HDAC9: variants seen among roughly 807,000 people sequenced by gnomAD.
The protein encoded by HDAC9 is histone deacetylase 9, also known as MEF-2 interacting transcription repressor (MITR) protein.
A neutral mutation model predicts 139.4 loss-of-function variants in HDAC9; 41 were observed. The ratio of observed to expected loss-of-function variants is 0.29; its 90% CI spans 0.23 to 0.38. HDAC9 has a LOEUF of 0.38. HDAC9 is among the 10% of genes least tolerant of loss of function. The probability of loss-of-function intolerance (pLI) is 1.00; values close to 1 mark genes in which losing one functional copy is unlikely to be tolerated. For synonymous variants in HDAC9, 517 were observed against 476.2 expected (o/e 1.09, Z -1.12); for missense variants, 1,147 against 1,297.0 (o/e 0.88, Z 1.78).
chr7:18,794,615 C>A (rs1792621552), intron 17 of HDAC9, among the ~76,000 whole-genome samples: 1 of 152,180 alleles, frequency 6.6e-6, no homozygotes, highest in Admixed American at 6.5e-5. Flanking sequence ...GTGGTGCTTA[C>A]TCTTCAGTCT....
chr7:18,703,921 T>G lies in HDAC9; in HGVS notation c.1732-23659T>G, dbSNP rs547725690. Among the ~76,000 whole-genome samples the G allele has an allele frequency of 2.6e-5, 4 of 152,286 alleles. No homozygotes were observed. In the South Asian group the frequency reaches 8.3e-4, roughly 32 times the overall value. ...CATTACTAATTTTAGCTGCTTCCTT[T>G]TGCATACTCCCACAAGCAGATCTTA... is the stretch of plus-strand genomic sequence containing the variant. On this transcript the variant is annotated intron_variant, in intron 12 of 25. Transcript: ENST00000686413.
chr7:18,891,002 G>T (rs763481713), intron 22 of HDAC9, among the ~76,000 whole-genome samples: 9 of 152,140 alleles, frequency 5.9e-5, no homozygotes, highest in Non-Finnish European at 1.2e-4. Context: ...TCTGATCTGG[G>T]TTTCATAGCA....
intron 3 of HDAC9, 149 bp from the exon 4 acceptor site, chr7:18,590,187 T>C: frequency 1.2e-6 from 1 of 848,032 alleles, no homozygotes; most frequent in South Asian, 1.9e-5. Context: ...TTGCTTGTCC[T>C]TAGATTTCAA....
chr7:18,180,858 C>T (rs1789364827), intron 2 of HDAC9, among the ~76,000 whole-genome samples: 1 of 152,164 alleles, frequency 6.6e-6, no homozygotes, highest in South Asian at 2.1e-4. Context: ...GACCTTGCTC[C>T]CCACAAAGAC....
chr7:18,478,245 G>A (rs920019573), intron 1 of HDAC9, among the ~76,000 whole-genome samples: 1 of 152,042 alleles, frequency 6.6e-6, no homozygotes, highest in Admixed American at 6.6e-5. Flanking sequence ...GTAATATTTT[G>A]TATTTTTAGT....
At chr7:18,086,962 A>G (rs1263613136) in exon 1 of HDAC9, 1 of 137,896 alleles carries the variant, frequency 7.3e-6, no homozygotes, top group African/African-American at 2.7e-5. Flanking sequence ...GCGCGCACCG[A>G]GCCGGCCGCG....
intron 2 of HDAC9, among the ~76,000 whole-genome samples, chr7:18,170,247 A>C (rs1001251231): frequency 1.3e-5 from 2 of 152,238 alleles, no homozygotes; most frequent in Non-Finnish European, 2.9e-5. Flanking sequence ...TATTGGCTTC[A>C]TAAAAGTCTT....
At chr7:18,889,518 A>G (rs1319391752) in intron 22 of HDAC9, among the ~76,000 whole-genome samples, 1 of 152,080 alleles carries the variant, frequency 6.6e-6, no homozygotes, top group Admixed American at 6.6e-5. Flanking sequence ...AGTTTGCTGC[A>G]TGGGTGTTTA....
At chr7:18,277,534 C>T (rs28517339) in intron 2 of HDAC9, among the ~76,000 whole-genome samples, 2,400 of 152,236 alleles carry the variant, frequency 0.016, 69 homozygotes, top group African/African-American at 0.054. Context: ...TTTATTTATA[C>T]GTAGAACTTA....
chr7:18,695,297 A>G (rs569754682), intron 12 of HDAC9, among the ~76,000 whole-genome samples: 4 of 152,292 alleles, frequency 2.6e-5, no homozygotes, highest in Admixed American at 2.6e-4. Context: ...GGGAGGGAAC[A>G]CGAGATAATG....
intron 25 of HDAC9, among the ~76,000 whole-genome samples, chr7:18,986,699 A>G (rs913875480): frequency 1.3e-5 from 2 of 152,232 alleles, no homozygotes; most frequent in Non-Finnish European, 2.9e-5. Context: ...CTTCCTACCC[A>G]TGAGCATGGA....
At chr7:18,114,608 G>A (rs147598004) in intron 1 of HDAC9, among the ~76,000 whole-genome samples, 7 of 152,230 alleles carry the variant, frequency 4.6e-5, no homozygotes, top group Non-Finnish European at 8.8e-5. Context: ...TCCTTCTGGC[G>A]GAGAGGATCC....
At chr7:18,483,617 A>T (rs1295378256) in intron 1 of HDAC9, among the ~76,000 whole-genome samples, 1 of 152,190 alleles carries the variant, frequency 6.6e-6, no homozygotes, top group Admixed American at 6.5e-5. Flanking sequence ...TAATTCTAGA[A>T]AATTTTAAAT....
chr7:18,844,143 T>C (rs558799805), intron 21 of HDAC9, among the ~76,000 whole-genome samples: 2 of 152,342 alleles, frequency 1.3e-5, no homozygotes, highest in South Asian at 4.1e-4. Flanking sequence ...GGCACTATTC[T>C]AGAAGGGTAA....
At chr7:18,894,969 C>CT (rs940364913) in intron 22 of HDAC9, among the ~76,000 whole-genome samples, 4 of 151,968 alleles carry the variant, frequency 2.6e-5, no homozygotes, top group East Asian at 3.9e-4. Flanking sequence ...GTGCTTCTGA[C>CT]TTTTTTCTCA....
chr7:18,699,903 T>A (rs911515449), intron 12 of HDAC9, among the ~76,000 whole-genome samples: 10 of 152,172 alleles, frequency 6.6e-5, no homozygotes, highest in East Asian at 1.9e-4. Flanking sequence ...GTATATTTTT[T>A]AAAAATTTGA....
rs550966298 is a variant in HDAC9 at position 18,719,661 on chromosome 7, G to C, written c.1732-7919G>C. ...GACTTAAGTAACCTATTTTTTTGGG[G>C]GAGGGGGTCTCTTTTGCCTTTGGTC... On this transcript the variant is annotated intron_variant, in intron 12 of 25. Transcript: ENST00000686413. Among the ~76,000 whole-genome samples the C allele has an allele frequency of 1.4e-4, 22 of 151,950 alleles. 1 individual carries two copies. The East Asian group carries it at 4.3e-3, about 30-fold the overall frequency.
chr7:18,183,147 C>T (rs926434968), intron 2 of HDAC9, among the ~76,000 whole-genome samples: 33 of 152,034 alleles, frequency 2.2e-4, no homozygotes, highest in South Asian at 6.2e-4. Flanking sequence ...GTAGCTGGGA[C>T]TACAGGTGCC....
chr7:18,521,126 G>A (rs1586624077), intron 2 of HDAC9, among the ~76,000 whole-genome samples: 1 of 152,090 alleles, frequency 6.6e-6, no homozygotes, highest in South Asian at 2.1e-4. Context: ...TAATGATCTG[G>A]AATCCAATTA....
Sources: allele counts gnomAD v4.1 joint callset (sites outside exome capture counted in the v4.1 genomes callset), GRCh38; gene constraint gnomAD v4.1.1; transcripts MANE v1.5; gene names NCBI Gene and HGNC (gene_info 2026-07-23, HGNC 2026-07-21).